The following PHF14 variants were observed in gnomAD, a reference collection of about 807,000 sequenced individuals.
The protein encoded by PHF14 is PHD finger protein 14.
A neutral mutation model predicts 117.9 loss-of-function variants in PHF14; 55 were observed. The observed-to-expected ratio is 0.47, with a 90% confidence interval of 0.38 to 0.58. The LOEUF is 0.58. PHF14 is among the 20% of genes least tolerant of loss of function. PHF14 has a pLI of 0.00. For missense variants in PHF14, 978 were observed against 1,122.2 expected (o/e 0.87, Z 1.84); for synonymous variants, 409 against 368.6 (o/e 1.11, Z -1.26).
At chr7:11,042,873 A>AT (rs1784542783) in intron 13 of PHF14, 59 bp downstream of exon 13, 1 of 1,109,172 alleles carries the variant, frequency 9.0e-7, no homozygotes, top group Non-Finnish European at 1.3e-6. Context: ...TTTCAGCAGT[A>AT]TAAGATGAAA....
chr7:11,096,039 T>C (rs1356032774), intron 16 of PHF14, among the ~76,000 whole-genome samples: 1 of 152,184 alleles, frequency 6.6e-6, no homozygotes, highest in African/African-American at 2.4e-5. Flanking sequence ...GAGATTTGTG[T>C]CTTTGTCAGA....
At chr7:11,152,031 A>G (rs1788716340) in intron 17 of PHF14, among the ~76,000 whole-genome samples, 3 of 152,310 alleles carry the variant, frequency 2.0e-5, no homozygotes, top group Middle Eastern at 3.4e-3. Flanking sequence ...GAGAGTTAAT[A>G]TGTTTACCAA....
In PHF14 at chr7:10,982,485, G is replaced by C. The variant is rs781767606; in HGVS notation, c.226G>C (p.Val76Leu). ...AGAAGAACTGAATGAAGATATTAAA[G>C]TAAAAGAAGAACAACTTAAAAATTC... The part of the protein sequence containing the change: ...LEEELNEDIK[V>L]KEEQLKNSAE... Residue 76 changes from valine to leucine, a missense_variant, in exon 3 of 18, where the codon GTA becomes CTA. This residue lies in a region of PHF14 where 414 missense variants were observed against 376.4 expected (regional missense o/e 1.10). Transcript: ENST00000634607. The C allele has an allele frequency of 2.5e-6, 4 of 1,580,378 alleles. No homozygotes were observed. The East Asian group carries it at 9.0e-5, about 35-fold the overall frequency.
At chr7:11,046,835 G>A (rs1349495538) in intron 13 of PHF14, among the ~76,000 whole-genome samples, 1 of 151,734 alleles carries the variant, frequency 6.6e-6, no homozygotes, top group Non-Finnish European at 1.5e-5. Context: ...TCTAAATACA[G>A]GAGAAAACAT....
intron 17 of PHF14, among the ~76,000 whole-genome samples, chr7:11,167,219 A>T (rs1392542905): frequency 1.3e-5 from 2 of 152,186 alleles, no homozygotes; most frequent in Non-Finnish European, 2.9e-5. Flanking sequence ...CATACGGTGG[A>T]GAAACTTAGT....
chr7:11,168,705 C>T (rs1282266859), intron 17 of PHF14, among the ~76,000 whole-genome samples: 1 of 152,060 alleles, frequency 6.6e-6, no homozygotes, highest in Admixed American at 6.6e-5. Context: ...GTTGAAAGAA[C>T]ATGTATGATG....
chr7:11,087,903 A>G (rs189217118), intron 16 of PHF14, among the ~76,000 whole-genome samples: 10 of 152,362 alleles, frequency 6.6e-5, no homozygotes, highest in Non-Finnish European at 1.5e-4. Flanking sequence ...TAAAGTGTAT[A>G]ACTTGAAACT....
chr7:10,986,010 CT>C (rs1158155218), intron 3 of PHF14, among the ~76,000 whole-genome samples: 6 of 151,728 alleles, frequency 4.0e-5, no homozygotes, highest in African/African-American at 1.5e-4. Flanking sequence ...GCTTTGTTTC[CT>C]GGACTGGGGT....
chr7:11,021,588 T>G (rs1783737562), intron 5 of PHF14, among the ~76,000 whole-genome samples: 2 of 152,170 alleles, frequency 1.3e-5, no homozygotes, highest in African/African-American at 4.8e-5. Flanking sequence ...AGCCAGCTGT[T>G]AGGTTTATCA....
intron 14 of PHF14, among the ~76,000 whole-genome samples, chr7:11,060,786 A>G (rs946509651): frequency 6.6e-6 from 1 of 152,176 alleles, no homozygotes; most frequent in Non-Finnish European, 1.5e-5. Flanking sequence ...GGCAATATAA[A>G]TGTAAACAGA....
At chr7:11,105,022 TA>T in intron 16 of PHF14, 1 of 898,830 alleles carries the variant, frequency 1.1e-6, no homozygotes, top group Non-Finnish European at 1.3e-6. Context: ...TTTAATTTTA[TA>T]AAATTTAGTT....
At chr7:11,008,688 AGTATTATGCAT>A (rs1783219407) in intron 4 of PHF14, among the ~76,000 whole-genome samples, 1 of 152,134 alleles carries the variant, frequency 6.6e-6, no homozygotes, top group African/African-American at 2.4e-5. Context: ...ATTTCTGACA[AGTATTATGCAT>A]GTTGTAGGTA....
intron 16 of PHF14, among the ~76,000 whole-genome samples, chr7:11,075,405 C>A (rs1785798479): frequency 6.6e-6 from 1 of 152,158 alleles, no homozygotes; most frequent in Non-Finnish European, 1.5e-5. Flanking sequence ...GCATCTGCTT[C>A]TGGCAAGGCC....
At chr7:11,043,552 G>T (rs1345369992) in intron 13 of PHF14, among the ~76,000 whole-genome samples, 2 of 152,110 alleles carry the variant, frequency 1.3e-5, no homozygotes, top group African/African-American at 2.4e-5. Flanking sequence ...ACAAGAGGTT[G>T]TGTGTGTTCC....
chr7:11,166,794 A>G (rs961672121), intron 17 of PHF14, among the ~76,000 whole-genome samples: 6 of 152,180 alleles, frequency 3.9e-5, no homozygotes, highest in African/African-American at 9.7e-5. Flanking sequence ...ACTTAACAGC[A>G]TAAAAGGCAA....
chr7:11,142,331 C>T (rs988779509), intron 17 of PHF14, among the ~76,000 whole-genome samples: 5 of 151,938 alleles, frequency 3.3e-5, no homozygotes, highest in African/African-American at 4.8e-5. Flanking sequence ...TTATTCACTG[C>T]GCCATAATGG....
intron 17 of PHF14, among the ~76,000 whole-genome samples, chr7:11,114,310 C>T (rs1787530229): frequency 6.6e-6 from 1 of 151,856 alleles, no homozygotes; most frequent in Admixed American, 6.6e-5. Flanking sequence ...TTCTGTGGAC[C>T]AGGGGAAACT....
At chr7:11,029,087 C>T (rs981662046) in intron 7 of PHF14, among the ~76,000 whole-genome samples, 2 of 151,860 alleles carry the variant, frequency 1.3e-5, no homozygotes, top group African/African-American at 2.4e-5. Flanking sequence ...ATTAAAATGT[C>T]GGCATTTCAG....
intron 4 of PHF14, among the ~76,000 whole-genome samples, chr7:11,012,696 A>G (rs142588185): frequency 1.2e-3 from 185 of 152,350 alleles, no homozygotes; most frequent in Admixed American, 1.7e-3. Context: ...TTATTACATT[A>G]GCTGCCTAAA....
Sources: allele counts gnomAD v4.1 joint callset (sites outside exome capture counted in the v4.1 genomes callset), GRCh38; gene constraint gnomAD v4.1.1; regional missense constraint gnomAD v4.1.1; transcripts MANE v1.5; gene names NCBI Gene and HGNC (gene_info 2026-07-23, HGNC 2026-07-21).